The following RPTOR variants were observed in gnomAD, a reference collection of about 807,000 sequenced individuals.
RPTOR encodes regulatory associated protein of MTOR complex 1.
Under a neutral mutation model 169.9 loss-of-function variants are expected in RPTOR, and 21 were observed. The observed-to-expected ratio is 0.12, with a 90% confidence interval of 0.09 to 0.18. The LOEUF is 0.18. Ranked by LOEUF, RPTOR falls within the 10% of genes least tolerant of loss-of-function variation. The pLI is 1.00. For missense variants in RPTOR, 1,133 were observed against 1,855.9 expected (o/e 0.61, Z 7.16); for synonymous variants, 732 against 753.2 (o/e 0.97, Z 0.46).
In RPTOR at chr17:80,562,867, G is replaced by C. The variant is rs995341915; in HGVS notation, c.162+17076G>C. Among the ~76,000 whole-genome samples, 1 of 152,230 alleles carries C rather than the reference G, an allele frequency of 6.6e-6. No homozygotes were observed. The highest frequency in any genetic ancestry group is 2.4e-5 in the African/African-American group (1 of 41,464). ...AAAGTACTGTGAAAAAGTTAAATCAGATTTTTCCTGCATTTTCTGTAAGTC... is the reference window on the plus strand; with the variant it reads ...AAAGTACTGTGAAAAAGTTAAATCACATTTTTCCTGCATTTTCTGTAAGTC... On this transcript the variant is annotated intron_variant, in intron 1 of 33. Coordinates refer to ENST00000306801, the MANE Select transcript of RPTOR (RefSeq NM_020761.3). This position sits in a 1 kb window ranked among gnomAD's most constrained non-coding sequence, Gnocchi z 4.4.
intron 1 of RPTOR, among the ~76,000 whole-genome samples, chr17:80,552,797 G>T (rs1213991811): frequency 6.6e-6 from 1 of 152,164 alleles, no homozygotes; most frequent in Non-Finnish European, 1.5e-5. Flanking sequence ...CTGTGCAGAG[G>T]GAGAAACAAA....
intron 3 of RPTOR, among the ~76,000 whole-genome samples, chr17:80,686,403 A>G (rs1232110583): frequency 6.6e-6 from 1 of 150,694 alleles, no homozygotes; most frequent in Non-Finnish European, 1.5e-5. Flanking sequence ...GCCAGGATGC[A>G]TAACACCTCC....
chr17:80,841,622 G>T (rs79368579), intron 10 of RPTOR, among the ~76,000 whole-genome samples: 1 of 106,730 alleles, frequency 9.4e-6, no homozygotes, highest in South Asian at 3.3e-4. Context: ...CACTCTCACC[G>T]CAGGGCAGCT....
intron 3 of RPTOR, among the ~76,000 whole-genome samples, chr17:80,706,269 C>T (rs964675793): frequency 6.6e-6 from 1 of 152,110 alleles, no homozygotes; most frequent in African/African-American, 2.4e-5. Context: ...TGTTCCCCTC[C>T]CCAACCCCAG....
chr17:80,772,861 A>G (rs1047067269), intron 6 of RPTOR, among the ~76,000 whole-genome samples: 1 of 152,070 alleles, frequency 6.6e-6, no homozygotes, highest in Non-Finnish European at 1.5e-5. Flanking sequence ...GTGAAAGGTA[A>G]GTGGTGGCAG....
Position 80,822,201 on chromosome 17 carries a change from G to A in RPTOR, c.891G>A (p.Lys297=). Residue 297 remains lysine, a splice_region_variant and synonymous_variant, in exon 8 of 34, where the codon AAG becomes AAA. Transcript: ENST00000306801. ...CATGAGAACGCCCCTTGTTTTCTAG[G>A]ATCCCTGGCCGCCTGAACGACAGGA... ...VPGVTLDLIE[K]IPGRLNDRRT... 6.2e-7 allele frequency: 1 copy of A among 1,614,060 alleles called. No individual in the cohort carries two copies. Among genetic ancestry groups the A allele is most frequent in the Non-Finnish European group, 8.5e-7 (1 of 1,179,944 alleles).
chr17:80,796,343 C>G (rs1389022058), intron 7 of RPTOR, among the ~76,000 whole-genome samples: 1 of 152,226 alleles, frequency 6.6e-6, no homozygotes, highest in African/African-American at 2.4e-5. Flanking sequence ...TATTAACCAT[C>G]ACACTGGGTA....
Position 80,745,455 on chromosome 17 carries a change from A to G in RPTOR, c.655-8555A>G, listed in dbSNP as rs536922741. Among the ~76,000 whole-genome samples, 16 of 152,316 alleles carry G rather than the reference A, an allele frequency of 1.1e-4. No individual in the cohort carries two copies. In the South Asian group the frequency reaches 3.3e-3, roughly 32 times the overall value. ...GTGATAGTTGCCAGCAATAGGCGCA[A>G]CTTGGTTTTTAAATTAAAATCTAAT... On this transcript the variant is annotated intron_variant, in intron 5 of 33. Coordinates refer to ENST00000306801, the MANE Select transcript of RPTOR (RefSeq NM_020761.3).
intron 24 of RPTOR, 77 bp downstream of exon 24, chr17:80,925,557 C>T (rs987874426): frequency 2.5e-6 from 3 of 1,205,706 alleles, no homozygotes; most frequent in African/African-American, 3.0e-5. Flanking sequence ...CATAAACGCT[C>T]AAGGCTTGTG....
intron 17 of RPTOR, among the ~76,000 whole-genome samples, chr17:80,886,118 C>T (rs1475567034): frequency 1.3e-5 from 2 of 152,208 alleles, no homozygotes; most frequent in African/African-American, 2.4e-5. Flanking sequence ...CCCGTGCTGG[C>T]TGTGTGTGGC....
At chr17:80,926,170 C>T (rs111753289) in intron 24 of RPTOR, among the ~76,000 whole-genome samples, 6 of 152,314 alleles carry the variant, frequency 3.9e-5, no homozygotes, top group East Asian at 1.9e-4. Flanking sequence ...ATCAAGCTTG[C>T]GTCTTAGTCA....
intron 6 of RPTOR, among the ~76,000 whole-genome samples, chr17:80,756,552 A>G (rs2066682765): frequency 6.6e-6 from 1 of 152,230 alleles, no homozygotes; most frequent in Admixed American, 6.5e-5. Flanking sequence ...AGAAGCCTCC[A>G]CCAGTCTTCC....
intron 28 of RPTOR, among the ~76,000 whole-genome samples, chr17:80,955,926 A>G (rs1326014219): frequency 6.6e-6 from 1 of 152,238 alleles, no homozygotes; most frequent in Non-Finnish European, 1.5e-5. Context: ...TGACGGGGTT[A>G]GTTGTACAGT....
At chr17:80,590,072 GT>G (rs1568322560) in intron 1 of RPTOR, among the ~76,000 whole-genome samples, 1 of 152,240 alleles carries the variant, frequency 6.6e-6, no homozygotes, top group Non-Finnish European at 1.5e-5. Context: ...GCTTATAAGC[GT>G]TATTTCTTTA....
In RPTOR at chr17:80,572,376, A is replaced by G. The variant is rs141755300; in HGVS notation, c.162+26585A>G. ...TATATTCTGGTACACCTAAGCAGGC[A>G]TAGGATATAAGATAATTATATATTT... On this transcript the variant is annotated intron_variant, in intron 1 of 33. Coordinates refer to ENST00000306801, the MANE Select transcript of RPTOR (RefSeq NM_020761.3). Among the ~76,000 whole-genome samples the G allele has an allele frequency of 2.6e-3, 396 of 151,994 alleles. 2 individuals carry two copies. The highest frequency in any genetic ancestry group is 9.2e-3 in the African/African-American group (381 of 41,424).
At chr17:80,963,440 CCGTCCCCTCTGCGGCCCT>C in intron 33 of RPTOR, among the ~76,000 whole-genome samples, 1 of 111,426 alleles carries the variant, frequency 9.0e-6, no homozygotes, top group African/African-American at 3.4e-5. Context: ...GGCCCTCACC[CCGTCCCCTCTGCGGCCCT>C]CACCCCGTCC....
chr17:80,915,964 G>A (rs544851261), intron 21 of RPTOR, among the ~76,000 whole-genome samples: 97 of 152,264 alleles, frequency 6.4e-4, no homozygotes, highest in South Asian at 2.7e-3. Context: ...GTCTGCCTCC[G>A]GAGAGGAGCT....
chr17:80,843,107 C>T (rs2067688885), intron 10 of RPTOR, among the ~76,000 whole-genome samples: 1 of 152,220 alleles, frequency 6.6e-6, no homozygotes, highest in South Asian at 2.1e-4. Flanking sequence ...GTGAATTTTA[C>T]CATCAGTGTG....
chr17:80,882,513 G>A (rs974447404), intron 14 of RPTOR, among the ~76,000 whole-genome samples: 1 of 152,306 alleles, frequency 6.6e-6, no homozygotes, highest in Admixed American at 6.5e-5. Flanking sequence ...CTCGGCGTGC[G>A]AGGAAAGCGA....
Sources: gnomAD v4.1 joint callset for allele counts (sites outside exome capture counted in the v4.1 genomes callset) on GRCh38, gnomAD v4.1.1 for gene constraint, Gnocchi (gnomAD v3.1) non-coding constraint, MANE v1.5 for transcripts, NCBI Gene and HGNC (gene_info 2026-07-23, HGNC 2026-07-21) for gene names.